Variants in SYT16 observed in about 807,000 individuals in gnomAD.
SYT16 encodes the protein synaptotagmin 16.
Under a neutral mutation model 61.4 loss-of-function variants are expected in SYT16, and 42 were observed. The ratio of observed to expected loss-of-function variants is 0.68; its 90% CI spans 0.53 to 0.89. The LOEUF (loss-of-function observed/expected upper bound fraction) is 0.89, where lower values mean the gene tolerates loss of function less well. Among genes scored for constraint, SYT16 ranks in the 40% least tolerant of loss-of-function variants. The pLI is 0.00. For synonymous variants in SYT16, 314 were observed against 302.3 expected (o/e 1.04, Z -0.40); for missense variants, 804 against 807.3 (o/e 1.00, Z 0.05).
intron 1 of SYT16, among the ~76,000 whole-genome samples, chr14:61,937,477 C>T (rs571009404): frequency 2.6e-5 from 4 of 152,260 alleles, no homozygotes; most frequent in Admixed American, 2.0e-4. Context: ...TTTCCAACTC[C>T]GACCTGTGCT....
chr14:61,836,293 C>T lies in SYT16; in HGVS notation c.-325+23483C>T, dbSNP rs145854590. Among the ~76,000 whole-genome samples the T allele has an allele frequency of 8.3e-4, 127 of 152,324 alleles. 1 individual carries two copies. Among genetic ancestry groups the T allele is most frequent in the African/African-American group, 3.0e-3 (124 of 41,574 alleles). The stretch of plus-strand genomic sequence containing the variant: ...TGCGTGTGTTTATTGCTCTACTTTA[C>T]TGCCGGTGGCTGCTCTTGTGTCTGC... On this transcript the variant is annotated intron_variant, in intron 1 of 7. Coordinates refer to ENST00000683842, the MANE Select transcript of SYT16 (RefSeq NM_001367656.1).
At chr14:61,938,169 G>A (rs1408480581) in intron 1 of SYT16, among the ~76,000 whole-genome samples, 2 of 151,920 alleles carry the variant, frequency 1.3e-5, no homozygotes, top group East Asian at 1.9e-4. Context: ...AATGAGATAC[G>A]CAAACAGGGT....
chr14:61,987,975 T>A (rs957112328), intron 2 of SYT16, among the ~76,000 whole-genome samples: 1 of 152,170 alleles, frequency 6.6e-6, no homozygotes, highest in Non-Finnish European at 1.5e-5. Flanking sequence ...AAATCAGTAA[T>A]CTGCTGTATC....
At chr14:61,989,364 AC>A in intron 2 of SYT16, among the ~76,000 whole-genome samples, 1 of 152,192 alleles carries the variant, frequency 6.6e-6, no homozygotes, top group South Asian at 2.1e-4. Context: ...GGAGTTTGAG[AC>A]CAGCCTGGCC....
At chr14:61,849,005 A>G (rs944348277) in intron 1 of SYT16, among the ~76,000 whole-genome samples, 2 of 152,150 alleles carry the variant, frequency 1.3e-5, no homozygotes, top group Admixed American at 6.5e-5. Context: ...TCAGGGCCCA[A>G]GGGCTTTTTA....
chr14:62,060,259 G>T (rs1401224712), intron 3 of SYT16, among the ~76,000 whole-genome samples: 1 of 152,028 alleles, frequency 6.6e-6, no homozygotes, highest in Non-Finnish European at 1.5e-5. Flanking sequence ...TGCTTTTAGT[G>T]TGAGAGTTTT....
At chr14:62,076,081 G>A (rs565990547) in intron 5 of SYT16, among the ~76,000 whole-genome samples, 109 of 152,272 alleles carry the variant, frequency 7.2e-4, no homozygotes, top group African/African-American at 2.5e-3. Flanking sequence ...CAGAGATATG[G>A]CTGGAGGTGA....
intron 1 of SYT16, among the ~76,000 whole-genome samples, chr14:61,899,639 T>G (rs2140354884): frequency 6.6e-6 from 1 of 152,334 alleles, no homozygotes; most frequent in South Asian, 2.1e-4. Context: ...AAGAATCAGA[T>G]GACTGATTCT....
intron 1 of SYT16, among the ~76,000 whole-genome samples, chr14:61,953,595 A>C (rs978220835): frequency 6.6e-6 from 1 of 152,130 alleles, no homozygotes; most frequent in African/African-American, 2.4e-5. Context: ...TGCTGTCTCC[A>C]CCATCCTGTT....
intron 1 of SYT16, among the ~76,000 whole-genome samples, chr14:61,834,784 T>G (rs911436285): frequency 1.5e-4 from 23 of 152,180 alleles, no homozygotes; most frequent in African/African-American, 5.6e-4. Flanking sequence ...TATCCAGTTG[T>G]ACTGGTATAT....
At chr14:61,915,816 G>A (rs775900485) in intron 1 of SYT16, among the ~76,000 whole-genome samples, 1 of 152,218 alleles carries the variant, frequency 6.6e-6, no homozygotes, top group Non-Finnish European at 1.5e-5. Flanking sequence ...CCCATTTGAA[G>A]GTTGCTTCTA....
chr14:62,064,540 A>G (rs1483805996), intron 3 of SYT16, among the ~76,000 whole-genome samples: 1 of 152,126 alleles, frequency 6.6e-6, no homozygotes, highest in South Asian at 2.1e-4. Flanking sequence ...AGCCCAATAT[A>G]TGTGATTTTA....
intron 3 of SYT16, among the ~76,000 whole-genome samples, chr14:62,051,207 G>C (rs1446678183): frequency 1.3e-5 from 2 of 152,234 alleles, no homozygotes; most frequent in Admixed American, 6.5e-5. Flanking sequence ...CTGCCTTGCA[G>C]TTTGATCTCA....
chr14:61,846,258 G>A (rs955218943), intron 1 of SYT16, among the ~76,000 whole-genome samples: 1 of 152,014 alleles, frequency 6.6e-6, no homozygotes, highest in Admixed American at 6.6e-5. Flanking sequence ...TTGAAGTAGA[G>A]CACTCCACTT....
At chr14:62,064,334 G>GAAAAAAAAAAAAAAAAA (rs781727444) in intron 3 of SYT16, among the ~76,000 whole-genome samples, 3 of 42,982 alleles carry the variant, frequency 7.0e-5, no homozygotes, top group African/African-American at 2.5e-4. Context: ...CTTTAAATTT[G>GAAAAAAAAAAAAAAAAA]AAAAAAAAAA....
At chr14:62,092,641 CTG>C (rs1240978387) in intron 7 of SYT16, among the ~76,000 whole-genome samples, 2 of 151,472 alleles carry the variant, frequency 1.3e-5, no homozygotes, top group Non-Finnish European at 2.9e-5. Context: ...AAGACAAACA[CTG>C]TATGATTCCA....
intron 3 of SYT16, among the ~76,000 whole-genome samples, chr14:62,050,877 C>T (rs2055248221): frequency 6.6e-6 from 1 of 152,180 alleles, no homozygotes; most frequent in African/African-American, 2.4e-5. Flanking sequence ...TGTCAGTCCG[C>T]CCCTACTGGG....
intron 1 of SYT16, among the ~76,000 whole-genome samples, chr14:61,896,481 G>T (rs1002621697): frequency 5.9e-5 from 9 of 152,206 alleles, no homozygotes; most frequent in African/African-American, 2.2e-4. Flanking sequence ...GAAGGCTCAA[G>T]TATATTGTCA....
chr14:62,096,955 G>T (rs1034772755), intron 7 of SYT16, among the ~76,000 whole-genome samples: 1 of 151,902 alleles, frequency 6.6e-6, no homozygotes, highest in African/African-American at 2.4e-5. Context: ...AAGTTAAATG[G>T]CCAAATTCCT....
Sources: allele counts gnomAD v4.1 joint callset (sites outside exome capture counted in the v4.1 genomes callset), GRCh38; gene constraint gnomAD v4.1.1; transcripts MANE v1.5; gene names NCBI Gene and HGNC (gene_info 2026-07-23, HGNC 2026-07-21).